The following NBDY variants were observed in gnomAD, a reference collection of about 807,000 sequenced individuals.
NBDY encodes the protein negative regulator of P-body association, also known as P-body dissociating protein.
At chrX:56,762,642 A>G (rs1347531434) in intron 2 of NBDY, among the ~76,000 whole-genome samples, 2 of 110,781 alleles carry the variant, frequency 1.8e-5, no homozygotes, top group Non-Finnish European at 3.8e-5. Flanking sequence ...TAATAATGTA[A>G]TCTTGGCCAG....
At chrX:56,730,579 T>TGAGTGACA (rs983673407) in intron 1 of NBDY, among the ~76,000 whole-genome samples, 1 of 91,621 alleles carries the variant, frequency 1.1e-5, no homozygotes, top group African/African-American at 4.1e-5. Flanking sequence ...CCTTAAAGGT[T>TGAGTGACA]GAGTGACATC....
In NBDY at chrX:56,794,411, C is replaced by T. The variant is rs977861305; in HGVS notation, c.*167-22909C>T. ...ACTGAACAAAACCAACACAAAAAAA[C>T]AAAAGCAAAGAAACAAAGAAAGAAA... On this transcript the variant is annotated intron_variant, in intron 2 of 2. Coordinates refer to ENST00000374922, the MANE Select transcript of NBDY (RefSeq NM_001348129.2). Among the ~76,000 whole-genome samples the T allele has an allele frequency of 2.7e-5, 3 of 111,883 alleles. No homozygotes were observed. In the Admixed American group the frequency reaches 2.8e-4, roughly 11 times the overall value.
intron 2 of NBDY, among the ~76,000 whole-genome samples, chrX:56,805,338 A>G (rs773102002): frequency 1.2e-4 from 14 of 112,233 alleles, no homozygotes; most frequent in Non-Finnish European, 2.4e-4. Context: ...TTTAACTCCC[A>G]TCACATCTCA....
intron 2 of NBDY, among the ~76,000 whole-genome samples, chrX:56,799,747 A>G (rs1290171279): frequency 8.9e-6 from 1 of 112,631 alleles, no homozygotes; most frequent in Non-Finnish European, 1.9e-5. Context: ...CAACCAAACA[A>G]AACAAACACA....
intron 2 of NBDY, among the ~76,000 whole-genome samples, chrX:56,799,139 A>C (rs750608703): frequency 8.9e-6 from 1 of 112,154 alleles, no homozygotes; most frequent in South Asian, 3.7e-4. Flanking sequence ...CATTCCCAGG[A>C]TAGCGCCCTG....
At chrX:56,750,266 G>C (rs2069577618) in intron 2 of NBDY, among the ~76,000 whole-genome samples, 1 of 111,186 alleles carries the variant, frequency 9.0e-6, no homozygotes, top group South Asian at 3.8e-4. Context: ...TGATCCTTCT[G>C]CAACGTTTAA....
chrX:56,767,376 G>A (rs942313776), intron 2 of NBDY, among the ~76,000 whole-genome samples: 3 of 113,256 alleles, frequency 2.6e-5, no homozygotes, highest in Non-Finnish European at 3.8e-5. Context: ...CTCGGCATTG[G>A]CGTCCACTCT....
chrX:56,736,619 C>A (rs1165768596), intron 2 of NBDY, among the ~76,000 whole-genome samples: 1 of 112,763 alleles, frequency 8.9e-6, no homozygotes, highest in Non-Finnish European at 1.9e-5. Flanking sequence ...AAACTTTTAA[C>A]TGATGAGTAT....
intron 2 of NBDY, among the ~76,000 whole-genome samples, chrX:56,746,324 C>T (rs1333604962): frequency 9.0e-6 from 1 of 110,702 alleles, no homozygotes; most frequent in African/African-American, 3.3e-5. Context: ...TTTTAAGAGG[C>T]AAATATGATA....
intron 2 of NBDY, among the ~76,000 whole-genome samples, chrX:56,813,905 G>A (rs2069898601): frequency 9.0e-6 from 1 of 111,505 alleles, no homozygotes; most frequent in Non-Finnish European, 1.9e-5. Flanking sequence ...GGATGTCACT[G>A]GTGTCTCTTT....
chrX:56,816,633 AAAC>A (rs1362900667), intron 2 of NBDY, among the ~76,000 whole-genome samples: 2 of 111,121 alleles, frequency 1.8e-5, no homozygotes, highest in East Asian at 5.6e-4. Flanking sequence ...AAGTGAATAA[AAAC>A]AAATTGCCGA....
rs1454792875 is a variant in NBDY, at chrX:56,801,080, T to C, written c.*167-16240T>C. On this transcript the variant is annotated intron_variant, in intron 2 of 2. Coordinates refer to ENST00000374922, the MANE Select transcript of NBDY (RefSeq NM_001348129.2). The stretch of plus-strand genomic sequence containing the variant: ...GCCTGCACCTCTGTCCTCTGTAGCT[T>C]CTCTAGGCCTACTTGTAGATCAAAG... 3.6e-5 allele frequency among the ~76,000 whole-genome samples: 4 copies of C among 111,852 alleles called. No individual in the cohort carries two copies. In the Admixed American group the frequency reaches 3.8e-4, roughly 11 times the overall value.
chrX:56,814,026 TCA>T (rs2069899343), intron 2 of NBDY, among the ~76,000 whole-genome samples: 1 of 111,868 alleles, frequency 8.9e-6, no homozygotes, highest in Admixed American at 9.5e-5. Flanking sequence ...ATAATTGGTA[TCA>T]GTTTCAGTTT....
chrX:56,767,651 G>A (rs1001101165), intron 2 of NBDY, among the ~76,000 whole-genome samples: 8 of 113,485 alleles, frequency 7.0e-5, no homozygotes, highest in African/African-American at 2.6e-4. Flanking sequence ...CAGCTACTGT[G>A]CTCCACTTCT....
chrX:56,796,121 A>G (rs2069790471), intron 2 of NBDY, among the ~76,000 whole-genome samples: 1 of 110,307 alleles, frequency 9.1e-6, no homozygotes, highest in Admixed American at 9.5e-5. Context: ...TTTCTGTCTG[A>G]CTTCCCAGTA....
chrX:56,764,465 T>C (rs944253593), intron 2 of NBDY, among the ~76,000 whole-genome samples: 1 of 110,551 alleles, frequency 9.0e-6, no homozygotes, highest in Admixed American at 9.5e-5. Context: ...CAATGCCAGG[T>C]ACACTTCCTT....
chrX:56,784,366 G>A (rs1469912857), intron 2 of NBDY, among the ~76,000 whole-genome samples: 1 of 111,617 alleles, frequency 9.0e-6, no homozygotes, highest in Non-Finnish European at 1.9e-5. Flanking sequence ...TCCTGTTGGA[G>A]GCCTTCAGCT....
chrX:56,767,303 G>C (rs1190497616), intron 2 of NBDY, among the ~76,000 whole-genome samples: 1 of 113,393 alleles, frequency 8.8e-6, no homozygotes, highest in African/African-American at 3.2e-5. Context: ...TGATCCTAGG[G>C]TCCCCTTAAG....
chrX:56,759,835 G>A (rs958373807), intron 2 of NBDY, among the ~76,000 whole-genome samples: 1 of 111,942 alleles, frequency 8.9e-6, no homozygotes, highest in Non-Finnish European at 1.9e-5. Context: ...TCCCCTGGCA[G>A]TCTCCAGGGA....
Sources: gnomAD v4.1 joint callset for allele counts (sites outside exome capture counted in the v4.1 genomes callset) on GRCh38, gnomAD v4.1.1 for gene constraint, MANE v1.5 for transcripts, NCBI Gene and HGNC (gene_info 2026-07-23, HGNC 2026-07-21) for gene names.